The following KMT2B variants were observed in gnomAD, a reference collection of about 807,000 sequenced individuals.
KMT2B encodes lysine methyltransferase 2B.
KMT2B carries 22 observed loss-of-function variants against 255.3 expected under a neutral mutation model. That is an observed-to-expected ratio of 0.09 (90% CI 0.06 to 0.12). The LOEUF is 0.12. Ranked by LOEUF, KMT2B falls within the 10% of genes least tolerant of loss-of-function variation. KMT2B has a pLI of 1.00. For missense variants in KMT2B, 3,149 were observed against 3,737.0 expected, an observed-to-expected ratio of 0.84 and a Z score of 4.10; for synonymous variants, 1,730 against 1,498.1, an observed-to-expected ratio of 1.15 and a Z score of -3.57.
intron 8 of KMT2B, 49 bp from the exon 9 acceptor site, chr19:35,724,586 AAG>A (rs752182189): frequency 7.0e-7 from 1 of 1,436,698 alleles, no homozygotes; most frequent in Non-Finnish European, 9.6e-7. Context: ...GTTGTAGAAG[AAG>A]AGGGGCGTGG....
In KMT2B at chr19:35,721,207, T is replaced by TG; in HGVS notation, c.1860_1861insG (p.Pro621AlafsTer55). On this transcript the variant is annotated frameshift_variant, in exon 3 of 37. Coordinates refer to ENST00000420124, the MANE Select transcript of KMT2B (RefSeq NM_014727.3). LOFTEE classifies it high-confidence loss of function. ...CCTCACTGACCCGGGAGCTGCCCCC[T>TG]CCTCCCCCAGCCCCTCCACCTCCCC... The TG allele has an allele frequency of 2.0e-6, 2 of 986,234 alleles. No homozygotes were observed. The highest frequency in any genetic ancestry group is 2.6e-6 in the Non-Finnish European group (2 of 766,652). The allele number at this position is 986,234 out of a possible 1,614,324, so 61.1% of individuals were successfully genotyped here.
In KMT2B at chr19:35,727,449, G is replaced by A. The variant is rs1454713201; in HGVS notation, c.4129G>A (p.Glu1377Lys). ...CTTGGCTATCCTAGATGAAGACTAC[G>A]AGATCCTTTCAGGACTGCCAGACTC... is the stretch of plus-strand genomic sequence containing the variant. The part of the protein sequence containing the change: ...KCEGLSDEDY[E>K]ILSGLPDSVL... Residue 1377 changes from glutamate to lysine, a missense_variant, in exon 16 of 37, where the codon GAG becomes AAG. By Grantham distance (56) the Glu-to-Lys change is moderately conservative. This residue lies in a region of KMT2B where 377 missense variants were observed against 471.0 expected (regional missense o/e 0.80). Coordinates refer to ENST00000420124, the MANE Select transcript of KMT2B (RefSeq NM_014727.3). This position sits in a 1 kb window ranked among gnomAD's most constrained non-coding sequence, Gnocchi z 4.2. The A allele has an allele frequency of 4.3e-6, 7 of 1,613,228 alleles. No homozygotes were observed. The highest frequency in any genetic ancestry group is 5.9e-6 in the Non-Finnish European group (7 of 1,179,848).
chr19:35,721,388 C>A lies in KMT2B; in HGVS notation c.2041C>A (p.Pro681Thr). The change falls in exon 3 of 37, where the codon CCT becomes ACT. Residue 681 changes from proline to threonine, a missense_variant. This residue lies in a region of KMT2B where 1,188 missense variants were observed against 1,106.4 expected (regional missense o/e 1.07). Transcript: ENST00000420124. ...LGAPEAPEPE[P>T]PPADDSPAEP... Reference sequence around the variant, plus strand: ...GGCTCCTGAAGCCCCTGAGCCAGAGCCTCCTCCTGCCGATGACTCTCCAGC... The same window carrying A: ...GGCTCCTGAAGCCCCTGAGCCAGAGACTCCTCCTGCCGATGACTCTCCAGC... 1 of 1,606,194 alleles carries A rather than the reference C, an allele frequency of 6.2e-7. No homozygotes were observed. The highest frequency in any genetic ancestry group is 8.5e-7 in the Non-Finnish European group (1 of 1,177,340).
intron 8 of KMT2B, 24 bp from the exon 9 acceptor site, chr19:35,724,613 C>T (rs1363818710): frequency 1.1e-5 from 17 of 1,564,260 alleles, no homozygotes; most frequent in Non-Finnish European, 1.4e-5. Context: ...GGAGTGACCT[C>T]ACTGCTCATT....
rs956964356 is a variant in KMT2B, at chr19:35,730,543, A to G, written c.5203A>G (p.Ile1735Val). Residue 1735 changes from isoleucine to valine, a missense_variant, in exon 25 of 37, where the codon ATC becomes GTC. Coordinates refer to ENST00000420124, the MANE Select transcript of KMT2B (RefSeq NM_014727.3). ...ACCTCCGCTTTGCACCACAGGTTCC[A>G]TCCGCATTGACTCCCTGGGTACTCT... ...PDAINVLIGS[I>V]RIDSLGTLSD... 1 of 1,613,826 alleles carries G rather than the reference A, an allele frequency of 6.2e-7. No homozygotes were observed. Among genetic ancestry groups the G allele is most frequent in the Non-Finnish European group, 8.5e-7 (1 of 1,179,880 alleles).
chr19:35,731,562 G>A (rs770044111), intron 26 of KMT2B, among the ~76,000 whole-genome samples: 22 of 152,284 alleles, frequency 1.4e-4, no homozygotes, highest in East Asian at 3.9e-4. Flanking sequence ...CGGGGCGGGC[G>A]GGAGCGTCTG....
In KMT2B at chr19:35,722,618, T is replaced by C. The variant is rs550223690; in HGVS notation, c.2622T>C (p.His874=). The C allele has an allele frequency of 8.1e-6, 13 of 1,612,470 alleles. No homozygotes were observed. In the African/African-American group the frequency reaches 1.6e-4, roughly 20 times the overall value. The change falls in exon 5 of 37, where the codon CAT becomes CAC. Residue 874 remains histidine, a synonymous_variant. Coordinates refer to ENST00000420124, the MANE Select transcript of KMT2B (RefSeq NM_014727.3). The stretch of plus-strand genomic sequence containing the variant: ...CCCGCATCAAACATGTCTGCCGTCA[T>C]GCTGCTGTGGCCCTGGGTCAGGCCC... The part of the protein sequence containing the change: ...QGPRIKHVCR[H]AAVALGQARA...
chr19:35,726,563 G>A (rs1264669979), intron 14 of KMT2B, among the ~76,000 whole-genome samples: 1 of 152,250 alleles, frequency 6.6e-6, no homozygotes, highest in South Asian at 2.1e-4. Flanking sequence ...GGAGTGGAAG[G>A]CCTGGGACCC....
Position 35,725,118 on chromosome 19 carries a change from C to T in KMT2B, c.3528+31C>T, listed in dbSNP as rs1969383469. ...GCATTGAGTGGGGCGAGTCACAGAG[C>T]CTCTGGTTGGAAGAACCTCGATGAC... On this transcript the variant is annotated intron_variant, in intron 10 of 36. Coordinates refer to ENST00000420124, the MANE Select transcript of KMT2B (RefSeq NM_014727.3). This position sits in a 1 kb window ranked among gnomAD's most constrained non-coding sequence, Gnocchi z 4.1. 6.3e-7 allele frequency: 1 copy of T among 1,590,374 alleles called. No individual in the cohort carries two copies.
At position 35,724,714 on chromosome 19, in the gene KMT2B, C is replaced by G. The variant is rs1969364048; in HGVS notation, c.3412C>G (p.Arg1138Gly). Reference sequence around the variant, plus strand: ...GCAGCCTGTGTTGCAGCTCAAGGCCCGAAGGCGCCTGGACAAGGTCAGCAC... The same window carrying G: ...GCAGCCTGTGTTGCAGCTCAAGGCCGGAAGGCGCCTGGACAAGGTCAGCAC... ...TLQPVLQLKARRRLDKDALAP... is the reference protein window; with the variant it reads ...TLQPVLQLKAGRRLDKDALAP... Residue 1138 changes from arginine to glycine, a missense_variant, in exon 9 of 37, where the codon CGA (arginine) becomes GGA (glycine). Transcript: ENST00000420124. 5.0e-6 allele frequency: 8 copies of G among 1,591,832 alleles called. No homozygotes were observed. The highest frequency in any genetic ancestry group is 5.1e-6 in the Non-Finnish European group (6 of 1,169,646).
chr19:35,721,379 G>C lies in KMT2B; in HGVS notation c.2032G>C (p.Glu678Gln), dbSNP rs1280846376. ...PPPLGAPEAP[E>Q]PEPPPADDSP... The stretch of plus-strand genomic sequence containing the variant: ...TCCTCTTGGGGCTCCTGAAGCCCCT[G>C]AGCCAGAGCCTCCTCCTGCCGATGA... Residue 678 changes from glutamate (E) to glutamine (Q), a missense_variant, in exon 3 of 37, where the codon GAG (glutamate) becomes CAG (glutamine). Around this residue, in one of 18 missense-constraint regions of KMT2B, gnomAD observed 1,188 missense variants for 1,106.4 expected, o/e 1.07. Transcript: ENST00000420124. 1 of 1,603,182 alleles carries C rather than the reference G, an allele frequency of 6.2e-7. No individual in the cohort carries two copies. Among genetic ancestry groups the C allele is most frequent in the Non-Finnish European group, 8.5e-7 (1 of 1,176,024 alleles).
rs2146466208 is a variant in KMT2B at position 35,732,004 on chromosome 19, T to C, written c.5534T>C (p.Leu1845Pro). The change falls in exon 27 of 37, where the codon CTG (leucine) becomes CCG (proline). Residue 1845 changes from leucine (L) to proline (P), a missense_variant. Around this residue, in one of 18 missense-constraint regions of KMT2B, gnomAD observed 897 missense variants for 825.3 expected, o/e 1.09. Transcript: ENST00000420124. Reference protein sequence around the residue: ...HSPIQNLDPPLRPDSGSAPPP... With the variant: ...HSPIQNLDPPPRPDSGSAPPP... ...CCCATTCAGAACCTGGACCCTCCAC[T>C]GCGGCCAGATTCAGGCAGCGCCCCT... is the stretch of plus-strand genomic sequence containing the variant. The C allele has an allele frequency of 6.2e-7, 1 of 1,613,796 alleles. No individual in the cohort carries two copies. The highest frequency in any genetic ancestry group is 1.1e-5 in the South Asian group (1 of 91,078).
chr19:35,723,266 G>A lies in KMT2B; in HGVS notation c.2994G>A (p.Gln998=). The change falls in exon 6 of 37, where the codon CAG becomes CAA. Residue 998 remains glutamine, a synonymous_variant. Coordinates refer to ENST00000420124, the MANE Select transcript of KMT2B (RefSeq NM_014727.3). This position sits in a 1 kb window ranked among gnomAD's most constrained non-coding sequence, Gnocchi z 7.5. ...PKFGGPNTKK[Q]CCVYRKCDKI... ...TTGGGGGCCCTAACACCAAGAAGCA[G>A]TGCTGTGTGTGAGTAGCTGGGGCGT... 6.2e-7 allele frequency: 1 copy of A among 1,612,104 alleles called. No homozygotes were observed. Among genetic ancestry groups the A allele is most frequent in the South Asian group, 1.1e-5 (1 of 91,076 alleles).
At position 35,727,445 on chromosome 19, in the gene KMT2B, C is replaced by T; in HGVS notation, c.4125C>T (p.Asp1375=). 1 of 1,613,312 alleles carries T rather than the reference C, an allele frequency of 6.2e-7. No homozygotes were observed. The highest frequency in any genetic ancestry group is 1.1e-5 in the South Asian group (1 of 91,088). Residue 1375 remains aspartate, a synonymous_variant, in exon 16 of 37, where the codon GAC becomes GAT. Transcript: ENST00000420124. This position sits in a 1 kb window ranked among gnomAD's most constrained non-coding sequence, Gnocchi z 4.2. ...HAKCEGLSDE[D]YEILSGLPDS... The stretch of plus-strand genomic sequence containing the variant: ...CCCACTTGGCTATCCTAGATGAAGA[C>T]TACGAGATCCTTTCAGGACTGCCAG...
chr19:35,729,496 G>T (rs1969606167), intron 22 of KMT2B, among the ~76,000 whole-genome samples, 200 bp downstream of exon 22: 1 of 152,208 alleles, frequency 6.6e-6, no homozygotes, highest in Non-Finnish European at 1.5e-5. Context: ...GGCCTGAAGT[G>T]TGGGAGTCTA....
intron 30 of KMT2B, 105 bp from the exon 31 acceptor site, chr19:35,736,585 C>G: frequency 7.4e-7 from 1 of 1,343,618 alleles, no homozygotes; most frequent in Non-Finnish European, 1.0e-6. Flanking sequence ...TCTGTGTCTG[C>G]GCCTAGGGGT....
Position 35,723,905 on chromosome 19 carries a change from C to G in KMT2B, c.3232C>G (p.Arg1078Gly), listed in dbSNP as rs1369126503. The G allele has an allele frequency of 6.2e-7, 1 of 1,611,804 alleles. No individual in the cohort carries two copies. Among genetic ancestry groups the G allele is most frequent in the South Asian group, 1.1e-5 (1 of 90,812 alleles). Residue 1078 changes from arginine (R) to glycine (G), a missense_variant, in exon 8 of 37, where the codon CGC becomes GGC. Physicochemically the swap from Arg to Gly is moderately radical, Grantham distance 125. This residue lies in a region of KMT2B where 136 missense variants were observed against 137.3 expected (regional missense o/e 0.99). Coordinates refer to ENST00000420124, the MANE Select transcript of KMT2B (RefSeq NM_014727.3). The surrounding 1 kb of genome is among the most constrained non-coding windows in gnomAD (Gnocchi z 7.5). ...CCTCCTGCAGCGCAAGTCAGCTCGG[C>G]GCTGCGTCAAACAGCGACCCTCCTA... The part of the protein sequence containing the change: ...DSLLQRKSAR[R>G]CVKQRPSYDI...
rs1468457510 is a variant in KMT2B, at chr19:35,732,806, C to T, written c.6257C>T (p.Ser2086Leu). Residue 2086 changes from serine to leucine, a missense_variant, in exon 28 of 37, where the codon TCG becomes TTG. This residue lies in a region of KMT2B where 897 missense variants were observed against 825.3 expected (regional missense o/e 1.09). Coordinates refer to ENST00000420124, the MANE Select transcript of KMT2B (RefSeq NM_014727.3). The stretch of plus-strand genomic sequence containing the variant: ...CCTCGGGGCCAGGGCACGCCTCCTT[C>T]GGGGCCAGGAGTAGTCCGGGCAGGG... ...QQPRGQGTPP[S>L]GPGVVRAGVL... is the part of the protein sequence containing the mutation. The T allele has an allele frequency of 5.6e-6, 9 of 1,606,194 alleles. No individual in the cohort carries two copies. The highest frequency in any genetic ancestry group is 7.6e-6 in the Non-Finnish European group (9 of 1,177,100).
Position 35,720,104 on chromosome 19 carries a change from C to A in KMT2B, c.757C>A (p.Pro253Thr). The change falls in exon 3 of 37, where the codon CCA becomes ACA. Residue 253 changes from proline (P) to threonine (T), a missense_variant. By Grantham distance (38) the Pro-to-Thr change is conservative. This residue lies in a region of KMT2B where 1,188 missense variants were observed against 1,106.4 expected (regional missense o/e 1.07). Transcript: ENST00000420124. ...AAVTIPKPEP[P>T]PPVVPVKHQT... The stretch of plus-strand genomic sequence containing the variant: ...TGTGACAATCCCCAAACCTGAGCCC[C>A]CACCTCCTGTGGTTCCAGTGAAACA... 6 of 1,600,554 alleles carry A rather than the reference C, an allele frequency of 3.7e-6. No individual in the cohort carries two copies. Among genetic ancestry groups the A allele is most frequent in the Non-Finnish European group, 5.1e-6 (6 of 1,173,634 alleles).
Sources: gnomAD v4.1 joint callset for allele counts (sites outside exome capture counted in the v4.1 genomes callset) on GRCh38, gnomAD v4.1.1 for gene constraint, gnomAD v4.1.1 regional missense constraint, Gnocchi (gnomAD v3.1) non-coding constraint, MANE v1.5 for transcripts, NCBI Gene and HGNC (gene_info 2026-07-23, HGNC 2026-07-21) for gene names.